The following IL34 variants were observed in gnomAD, a reference collection of about 807,000 sequenced individuals.
IL34 encodes interleukin 34.
Under a neutral mutation model 25.3 loss-of-function variants are expected in IL34, and 17 were observed. The observed-to-expected ratio is 0.67, with a 90% CI of 0.46 to 1.01. The LOEUF is 1.01. Ranked by LOEUF, IL34 falls within the 50% of genes least tolerant of loss-of-function variation. The pLI, the probability that IL34 is intolerant of heterozygous loss-of-function variation, is 0.00. For missense variants in IL34, 368 were observed against 312.9 expected (o/e 1.18, Z -1.33); for synonymous variants, 174 against 140.9 (o/e 1.23, Z -1.66).
intron 1 of IL34, among the ~76,000 whole-genome samples, chr16:70,608,126 C>CTT (rs869059231): frequency 3.1e-4 from 12 of 38,872 alleles, no homozygotes; most frequent in African/African-American, 3.7e-4. Flanking sequence ...TTTCTTTTTT[C>CTT]TTTTTTTTTT....
At chr16:70,590,053 CG>C (rs757646873) in intron 1 of IL34, among the ~76,000 whole-genome samples, 24 of 152,196 alleles carry the variant, frequency 1.6e-4, no homozygotes, top group Non-Finnish European at 3.5e-4. Flanking sequence ...TTTCTGCCTT[CG>C]GGGAGGTGTT....
At chr16:70,651,007 A>G (rs1450562853) in intron 1 of IL34, among the ~76,000 whole-genome samples, 2 of 152,214 alleles carry the variant, frequency 1.3e-5, no homozygotes, top group African/African-American at 4.8e-5. Context: ...TCAGGAGTTC[A>G]AGACCAGCCT....
At chr16:70,606,520 A>G (rs765126325) in intron 1 of IL34, among the ~76,000 whole-genome samples, 26 of 152,066 alleles carry the variant, frequency 1.7e-4, no homozygotes, top group Non-Finnish European at 2.9e-4. Flanking sequence ...TCCACCCTCA[A>G]CCAACCACCA....
chr16:70,596,531 G>A (rs146800176), intron 1 of IL34, among the ~76,000 whole-genome samples: 1 of 152,144 alleles, frequency 6.6e-6, no homozygotes, highest in Non-Finnish European at 1.5e-5. Context: ...GGAGGTGACT[G>A]TCTTCCACAT....
At chr16:70,611,831 A>G (rs1214771067) in intron 1 of IL34, among the ~76,000 whole-genome samples, 1 of 151,778 alleles carries the variant, frequency 6.6e-6, no homozygotes, top group African/African-American at 2.4e-5. Flanking sequence ...GTGACAGAGC[A>G]AGACTCTGTC....
rs571109126 is a variant in IL34, at chr16:70,605,819, C to T, written c.-401+25770C>T. On this transcript the variant is annotated intron_variant, in intron 1 of 6. Coordinates refer to the IL34 transcript ENST00000429149. ...CTGAGTAGCCGGGATTACAGGTGCC[C>T]GTCACCACGCCCACCTAATTTTTTG... 1.2e-4 allele frequency among the ~76,000 whole-genome samples: 18 copies of T among 151,938 alleles called. No homozygotes were observed. The South Asian group carries it at 3.3e-3, about 28-fold the overall frequency.
intron 1 of IL34, among the ~76,000 whole-genome samples, chr16:70,628,646 C>G (rs1019236084): frequency 1.3e-5 from 2 of 151,966 alleles, no homozygotes; most frequent in African/African-American, 2.4e-5. Context: ...GCCACCATGC[C>G]TGGCTAATTT....
chr16:70,590,826 A>C (rs937359169), intron 1 of IL34, among the ~76,000 whole-genome samples: 2 of 151,820 alleles, frequency 1.3e-5, no homozygotes, highest in Admixed American at 6.5e-5. Context: ...GTCCCCCCGC[A>C]AGCTGGCCTC....
intron 1 of IL34, among the ~76,000 whole-genome samples, chr16:70,613,884 AAAAG>A (rs1451532245): frequency 2.0e-5 from 3 of 146,860 alleles, no homozygotes; most frequent in Admixed American, 6.8e-5. Context: ...AGGAAAAAAA[AAAAG>A]AAAGAAATGC....
chr16:70,594,951 CTCTCT>C (rs1327783650), intron 1 of IL34, among the ~76,000 whole-genome samples: 1,559 of 141,650 alleles, frequency 0.011, 28 homozygotes, highest in African/African-American at 0.046. Flanking sequence ...CTCTCTCTCT[CTCTCT>C]TTTTTTTTTT....
At position 70,601,267 on chromosome 16, in the gene IL34, T is replaced by TA. The variant is rs568062905; in HGVS notation, c.-401+21223dup. On this transcript the variant is annotated intron_variant, in intron 1 of 6. Coordinates refer to the IL34 transcript ENST00000429149. ...GAGACTGACTCTTTATTTATTTATT[T>TA]AAAAATAATAAAAAAAAATTGTAGA... Among the ~76,000 whole-genome samples, 934 of 152,172 alleles carry TA rather than the reference T, an allele frequency of 6.1e-3. 14 individuals are homozygous for TA. Among genetic ancestry groups the TA allele is most frequent in the African/African-American group, 0.021 (882 of 41,496 alleles).
intron 1 of IL34, among the ~76,000 whole-genome samples, chr16:70,586,034 A>T (rs1417213024): frequency 2.0e-5 from 3 of 150,408 alleles, no homozygotes; most frequent in Non-Finnish European, 4.4e-5. Context: ...GTGTTTTACC[A>T]TGTTAGCCAG....
At position 70,626,554 on chromosome 16, in the gene IL34, G is replaced by A. The variant is rs529039889; in HGVS notation, c.-400-19994G>A. On this transcript the variant is annotated intron_variant, in intron 1 of 6. Transcript: ENST00000429149. The stretch of plus-strand genomic sequence containing the variant: ...TGGGATTACAGGCATGCGCCACCAC[G>A]CCCGGCTAATTTTGTATTTTTAGTG... 2.3e-4 allele frequency among the ~76,000 whole-genome samples: 35 copies of A among 151,970 alleles called. 1 individual carries two copies. In the South Asian group the frequency reaches 6.2e-3, roughly 27 times the overall value.
At chr16:70,631,895 GC>G (rs1373070179) in intron 1 of IL34, among the ~76,000 whole-genome samples, 2 of 151,334 alleles carry the variant, frequency 1.3e-5, no homozygotes, top group African/African-American at 4.9e-5. Context: ...TTCAAGACCA[GC>G]CTGGGTACCA....
chr16:70,603,251 T>C (rs1259814453), intron 1 of IL34, among the ~76,000 whole-genome samples: 1 of 152,222 alleles, frequency 6.6e-6, no homozygotes. Context: ...AGATACAACA[T>C]AATAAATATA....
chr16:70,627,620 C>T (rs2051425055), intron 1 of IL34, among the ~76,000 whole-genome samples: 1 of 152,116 alleles, frequency 6.6e-6, no homozygotes, highest in Non-Finnish European at 1.5e-5. Flanking sequence ...AGGCACAAGC[C>T]ACCATACCTG....
intron 1 of IL34, among the ~76,000 whole-genome samples, chr16:70,627,450 C>T (rs1302277096): frequency 7.1e-6 from 1 of 140,414 alleles, no homozygotes; most frequent in African/African-American, 2.9e-5. Context: ...CTCCGCTCCC[C>T]TCCCCCTCCT....
intron 1 of IL34, among the ~76,000 whole-genome samples, chr16:70,625,414 GC>G (rs1237780025): frequency 6.6e-6 from 1 of 152,078 alleles, no homozygotes; most frequent in Non-Finnish European, 1.5e-5. Context: ...GGGGGTTCTT[GC>G]CCCCTAGAAA....
intron 1 of IL34, among the ~76,000 whole-genome samples, chr16:70,583,808 C>A (rs959537016): frequency 1.3e-5 from 2 of 151,988 alleles, no homozygotes; most frequent in African/African-American, 4.8e-5. Flanking sequence ...TGCGCCACCA[C>A]GCCTGGCTAA....
Sources: allele counts gnomAD v4.1 joint callset (sites outside exome capture counted in the v4.1 genomes callset), GRCh38; gene constraint gnomAD v4.1.1; transcripts MANE v1.5; gene names NCBI Gene and HGNC (gene_info 2026-07-23, HGNC 2026-07-21).